The following FARP1 variants were observed in gnomAD, a reference collection of about 807,000 sequenced individuals.
FARP1 encodes FERM, ARHGEF and pleckstrin domain-containing protein 1.
FARP1 carries 52 observed loss-of-function variants against 128.8 expected under a neutral mutation model. The observed-to-expected ratio is 0.40, with a 90% CI of 0.32 to 0.51. The LOEUF (loss-of-function observed/expected upper bound fraction) is 0.51. Among genes scored for constraint, FARP1 ranks in the 20% least tolerant of loss-of-function variants. The pLI, the probability that FARP1 is intolerant of heterozygous loss-of-function variation, is 0.45. For missense variants in FARP1, 1,333 were observed against 1,367.9 expected (o/e 0.97, Z 0.40); for synonymous variants, 580 against 551.8 (o/e 1.05, Z -0.72).
intron 1 of FARP1, among the ~76,000 whole-genome samples, chr13:98,153,300 ATATTT>A (rs1876163463): frequency 3.6e-5 from 2 of 55,902 alleles, no homozygotes; most frequent in African/African-American, 5.6e-5. Context: ...ATATATAAAT[ATATTT>A]ATATATAAAA....
At chr13:98,428,751 T>C (rs1207376363) in intron 17 of FARP1, among the ~76,000 whole-genome samples, 3 of 152,328 alleles carry the variant, frequency 2.0e-5, no homozygotes, top group South Asian at 2.1e-4. Context: ...CATTGCTTCG[T>C]TGGCTCTTTG....
At chr13:98,366,649 A>T (rs975111308) in intron 4 of FARP1, among the ~76,000 whole-genome samples, 6 of 152,366 alleles carry the variant, frequency 3.9e-5, no homozygotes, top group African/African-American at 1.4e-4. Flanking sequence ...TGTGTGACAA[A>T]GCTGTCACTT....
intron 2 of FARP1, among the ~76,000 whole-genome samples, chr13:98,240,033 G>A (rs12584223): frequency 0.011 from 1,718 of 152,250 alleles, 18 homozygotes; most frequent in Middle Eastern, 0.041. Context: ...AGGAGGGAAG[G>A]AGGCAGGAGG....
In FARP1 at chr13:98,409,535, C is replaced by T. The variant is rs1489880306; in HGVS notation, c.1602+10C>T. On this transcript the variant is annotated intron_variant, in intron 14 of 26. Transcript: ENST00000319562. ...TGAGGGCCGGAGGAAGGTACAGGGC[C>T]GAGGGCTCAAGCGCGTGTGTGGCTG... The T allele has an allele frequency of 7.5e-6, 12 of 1,593,024 alleles. No individual in the cohort carries two copies. Among genetic ancestry groups the T allele is most frequent in the African/African-American group, 1.3e-5 (1 of 74,360 alleles).
At chr13:98,264,960 C>A (rs890232065) in intron 2 of FARP1, among the ~76,000 whole-genome samples, 6 of 152,190 alleles carry the variant, frequency 3.9e-5, no homozygotes, top group Non-Finnish European at 5.9e-5. Flanking sequence ...CCGAACCTTA[C>A]AAACTGTATT....
At chr13:98,261,057 G>A (rs1439380771) in intron 2 of FARP1, among the ~76,000 whole-genome samples, 2 of 152,208 alleles carry the variant, frequency 1.3e-5, no homozygotes, top group Admixed American at 6.5e-5. Context: ...ACAGCTCTAT[G>A]GGAGGAAGGG....
At chr13:98,264,860 T>C (rs1221268652) in intron 2 of FARP1, among the ~76,000 whole-genome samples, 1 of 152,248 alleles carries the variant, frequency 6.6e-6, no homozygotes, top group Non-Finnish European at 1.5e-5. Flanking sequence ...ATTATTATTC[T>C]GTAGTTCGAA....
intron 5 of FARP1, among the ~76,000 whole-genome samples, chr13:98,373,545 C>CACACACAA (rs1396019410): frequency 1.3e-5 from 2 of 148,562 alleles, no homozygotes; most frequent in African/African-American, 5.1e-5. Context: ...CACACACACA[C>CACACACAA]ACACACACAC....
intron 2 of FARP1, among the ~76,000 whole-genome samples, chr13:98,264,933 T>C (rs143344157): frequency 6.6e-6 from 1 of 152,366 alleles, no homozygotes; most frequent in East Asian, 1.9e-4. Flanking sequence ...GCCACCTCTG[T>C]ACCTCTGACA....
chr13:98,206,595 C>G (rs1214057144), intron 1 of FARP1, among the ~76,000 whole-genome samples: 1 of 152,138 alleles, frequency 6.6e-6, no homozygotes, highest in African/African-American at 2.4e-5. Context: ...ACAGATGTCT[C>G]CCAGTTTCCT....
Position 98,453,392 on chromosome 13 carries a change from G to T in FARP1, c.*5075G>T. On this transcript the variant is annotated 3_prime_UTR_variant, in exon 27 of 27. Transcript: ENST00000319562. The stretch of plus-strand genomic sequence containing the variant: ...TGCATATAAAGACTGAGAAGATCAT[G>T]ATTCTTACACAAAAACTCCAGAGCA... The T allele has an allele frequency of 1.6e-6, 1 of 620,388 alleles. No individual in the cohort carries two copies. The highest frequency in any genetic ancestry group is 2.2e-5 in the South Asian group (1 of 44,864). The allele number at this position is 620,388 out of a possible 1,614,324, so 38.4% of individuals were successfully genotyped here.
At chr13:98,260,509 G>A (rs1265253411) in intron 2 of FARP1, among the ~76,000 whole-genome samples, 1 of 152,212 alleles carries the variant, frequency 6.6e-6, no homozygotes, top group East Asian at 1.9e-4. Context: ...GACCCAGTCA[G>A]TGATACACAG....
chr13:98,232,029 C>T (rs1412225494), intron 2 of FARP1, among the ~76,000 whole-genome samples: 1 of 151,696 alleles, frequency 6.6e-6, no homozygotes, highest in African/African-American at 2.4e-5. Context: ...GGGGTTTCGC[C>T]ATGTTAGCCA....
intron 3 of FARP1, among the ~76,000 whole-genome samples, chr13:98,360,270 A>G (rs1204925729): frequency 6.6e-6 from 1 of 151,728 alleles, no homozygotes; most frequent in African/African-American, 2.4e-5. Context: ...TAATTTTTAT[A>G]CTTTTAGTAG....
chr13:98,273,393 A>T (rs1884479208), intron 2 of FARP1, among the ~76,000 whole-genome samples: 1 of 152,172 alleles, frequency 6.6e-6, no homozygotes, highest in South Asian at 2.1e-4. Flanking sequence ...TATGATCTCT[A>T]GTTTAACATT....
chr13:98,211,232 C>A (rs1457807623), intron 1 of FARP1, among the ~76,000 whole-genome samples: 1 of 152,224 alleles, frequency 6.6e-6, no homozygotes, highest in East Asian at 1.9e-4. Flanking sequence ...CTTTCAGGAA[C>A]TGGGCCGCAC....
At chr13:98,348,208 C>T (rs1210627774) in intron 3 of FARP1, among the ~76,000 whole-genome samples, 3 of 152,220 alleles carry the variant, frequency 2.0e-5, no homozygotes, top group South Asian at 2.1e-4. Flanking sequence ...AGTGTTGACA[C>T]GCAAGCTTGG....
At chr13:98,430,715 C>T (rs1049304958) in intron 17 of FARP1, among the ~76,000 whole-genome samples, 2 of 152,186 alleles carry the variant, frequency 1.3e-5, no homozygotes, top group East Asian at 1.9e-4. Context: ...CCTTAAGGAG[C>T]TCCTGTTGAT....
chr13:98,243,465 G>C (rs965207615), intron 2 of FARP1, among the ~76,000 whole-genome samples: 11 of 151,956 alleles, frequency 7.2e-5, no homozygotes, highest in African/African-American at 2.7e-4. Flanking sequence ...GAAGGCTGAG[G>C]GGGGTGGATC....
Sources: allele counts gnomAD v4.1 joint callset (sites outside exome capture counted in the v4.1 genomes callset), GRCh38; gene constraint gnomAD v4.1.1; transcripts MANE v1.5; gene names NCBI Gene and HGNC (gene_info 2026-07-23, HGNC 2026-07-21).